The following BBS9 variants were observed in gnomAD, a reference collection of about 807,000 sequenced individuals.
BBS9 encodes the protein Bardet-Biedl syndrome 9.
BBS9 carries 89 observed loss-of-function variants against 117.7 expected under a neutral mutation model. The ratio of observed to expected loss-of-function variants is 0.76; its 90% CI spans 0.64 to 0.90. The LOEUF (loss-of-function observed/expected upper bound fraction) is 0.90, where lower values mean the gene tolerates loss of function less well. Among genes scored for constraint, BBS9 ranks in the 40% least tolerant of loss-of-function variants. The pLI is 0.00. For synonymous variants in BBS9, 379 were observed against 370.9 expected, an observed-to-expected ratio of 1.02 and a Z score of -0.25; for missense variants, 982 against 1,042.2, an observed-to-expected ratio of 0.94 and a Z score of 0.80.
At chr7:33,598,463 C>T (rs1441413234) in intron 21 of BBS9, among the ~76,000 whole-genome samples, 1 of 151,950 alleles carries the variant, frequency 6.6e-6, no homozygotes, top group Non-Finnish European at 1.5e-5. Flanking sequence ...AGACAAAGGA[C>T]ATTAAGTAAA....
At chr7:33,303,924 G>T (rs1375515685) in intron 9 of BBS9, among the ~76,000 whole-genome samples, 2 of 152,024 alleles carry the variant, frequency 1.3e-5, no homozygotes, top group African/African-American at 4.8e-5. Flanking sequence ...CTGCCTGGCC[G>T]CCACCCTGTC....
intron 4 of BBS9, among the ~76,000 whole-genome samples, chr7:33,177,084 T>A (rs191634880): frequency 9.2e-5 from 14 of 151,838 alleles, no homozygotes; most frequent in African/African-American, 3.4e-4. Context: ...GTGTTGGGGA[T>A]TTTTTTTTCT....
chr7:33,144,951 G>A (rs891559672), intron 1 of BBS9, among the ~76,000 whole-genome samples: 3 of 152,184 alleles, frequency 2.0e-5, no homozygotes, highest in African/African-American at 7.2e-5. Flanking sequence ...AATTAGATAA[G>A]GTTAGTTCAG....
At chr7:33,515,301 C>A (rs915645399) in intron 20 of BBS9, among the ~76,000 whole-genome samples, 1 of 152,182 alleles carries the variant, frequency 6.6e-6, no homozygotes, top group African/African-American at 2.4e-5. Flanking sequence ...ATCCCTGAAA[C>A]TTCTTCACAT....
At chr7:33,352,187 T>A (rs1563048951) in intron 14 of BBS9, 1 of 153,222 alleles carries the variant, frequency 6.5e-6, no homozygotes, top group Admixed American at 6.5e-5. Context: ...AGACACTGTT[T>A]TAGTGACTAA....
chr7:33,408,146 C>T (rs906635366), intron 19 of BBS9, among the ~76,000 whole-genome samples: 10 of 152,068 alleles, frequency 6.6e-5, no homozygotes, highest in African/African-American at 1.2e-4. Flanking sequence ...CAATGGCGGG[C>T]GCCCCTCCCC....
chr7:33,461,394 T>TA (rs1015251156), intron 19 of BBS9, among the ~76,000 whole-genome samples: 14 of 152,020 alleles, frequency 9.2e-5, no homozygotes. Flanking sequence ...TTTGGAAACA[T>TA]ACTTTCCTCA....
At chr7:33,548,236 G>A (rs1853735098) in intron 21 of BBS9, among the ~76,000 whole-genome samples, 1 of 152,022 alleles carries the variant, frequency 6.6e-6, no homozygotes, top group African/African-American at 2.4e-5. Flanking sequence ...AAAAGTAGGG[G>A]GATAAATTAA....
intron 19 of BBS9, among the ~76,000 whole-genome samples, chr7:33,403,420 T>G (rs1476179194): frequency 1.3e-5 from 2 of 150,320 alleles, no homozygotes; most frequent in African/African-American, 4.9e-5. Flanking sequence ...ACCCATTAAC[T>G]CGTCATTTAG....
At chr7:33,529,736 T>C (rs2129054439) in intron 20 of BBS9, among the ~76,000 whole-genome samples, 1 of 152,040 alleles carries the variant, frequency 6.6e-6, no homozygotes, top group East Asian at 1.9e-4. Context: ...ATAACAAAAA[T>C]CATTTCTCAC....
chr7:33,314,219 A>G (rs749205678), intron 9 of BBS9: 5 of 415,926 alleles, frequency 1.2e-5, no homozygotes, highest in South Asian at 5.5e-5. Flanking sequence ...GGACTTCAAT[A>G]TCTAATTTTA....
intron 21 of BBS9, among the ~76,000 whole-genome samples, chr7:33,570,225 A>G (rs1046563926): frequency 6.6e-6 from 1 of 152,176 alleles, no homozygotes; most frequent in Non-Finnish European, 1.5e-5. Flanking sequence ...TCCAGGGCAG[A>G]CTCAAGAAAA....
intron 21 of BBS9, among the ~76,000 whole-genome samples, chr7:33,592,433 T>C (rs2700683): frequency 0.28 from 42,026 of 152,038 alleles, 8,923 homozygotes; most frequent in African/African-American, 0.59. Context: ...CTTTCTATGA[T>C]CAATGGTTTA....
At chr7:33,617,850 G>A (rs1356609347) in intron 21 of BBS9, among the ~76,000 whole-genome samples, 1 of 152,032 alleles carries the variant, frequency 6.6e-6, no homozygotes, top group East Asian at 1.9e-4. Context: ...GCAGTTTGAG[G>A]AACAAAAAGA....
intron 20 of BBS9, among the ~76,000 whole-genome samples, chr7:33,528,406 G>A (rs1850007519): frequency 6.6e-6 from 1 of 151,876 alleles, no homozygotes; most frequent in South Asian, 2.1e-4. Flanking sequence ...GGTAATAAAT[G>A]TTACTGTGGC....
intron 17 of BBS9, among the ~76,000 whole-genome samples, chr7:33,374,045 G>T (rs1015788307): frequency 6.6e-6 from 1 of 152,162 alleles, no homozygotes; most frequent in East Asian, 1.9e-4. Flanking sequence ...TGTGGCTCTT[G>T]TGGAGCTCCT....
intron 19 of BBS9, among the ~76,000 whole-genome samples, chr7:33,398,300 C>A (rs1225057174): frequency 6.6e-6 from 1 of 152,164 alleles, no homozygotes; most frequent in Non-Finnish European, 1.5e-5. Flanking sequence ...TGTCTATACC[C>A]TATGAACTTG....
At chr7:33,407,388 T>C (rs1241257859) in intron 19 of BBS9, among the ~76,000 whole-genome samples, 8 of 152,240 alleles carry the variant, frequency 5.3e-5, no homozygotes, top group Non-Finnish European at 1.0e-4. Flanking sequence ...AATTTCCTCC[T>C]GTAGCTCGGA....
At chr7:33,303,581 T>C (rs1248851836) in intron 9 of BBS9, among the ~76,000 whole-genome samples, 1 of 133,836 alleles carries the variant, frequency 7.5e-6, no homozygotes, top group Non-Finnish European at 1.6e-5. Context: ...TGTACTGCCG[T>C]GATCTCGGCT....
Sources: gnomAD v4.1 joint callset for allele counts (sites outside exome capture counted in the v4.1 genomes callset) on GRCh38, gnomAD v4.1.1 for gene constraint, MANE v1.5 for transcripts, NCBI Gene and HGNC (gene_info 2026-07-23, HGNC 2026-07-21) for gene names.